Variants in PRKACB observed in about 807,000 individuals in gnomAD.
PRKACB encodes cAMP-dependent protein kinase catalytic subunit beta.
A neutral mutation model predicts 51.4 loss-of-function variants in PRKACB; 16 were observed. The ratio of observed to expected loss-of-function variants is 0.31; its 90% CI spans 0.21 to 0.47. The LOEUF (loss-of-function observed/expected upper bound fraction) is 0.47. Among genes scored for constraint, PRKACB ranks in the 20% least tolerant of loss-of-function variants. The pLI is 1.00. For synonymous variants in PRKACB, 147 were observed against 154.4 expected, an observed-to-expected ratio of 0.95 and a Z score of 0.35; for missense variants, 309 against 464.5, an observed-to-expected ratio of 0.67 and a Z score of 3.08.
chr1:84,090,728 A>G (rs1327356804), intron 1 of PRKACB, among the ~76,000 whole-genome samples: 3 of 152,168 alleles, frequency 2.0e-5, no homozygotes, highest in Non-Finnish European at 4.4e-5. Flanking sequence ...ATCACCTTTT[A>G]TGACCTAGCC....
At chr1:84,139,503 A>G (rs1214550141), upstream of PRKACB, among the ~76,000 whole-genome samples, 1 of 152,204 alleles carries the variant, frequency 6.6e-6, no homozygotes, top group Non-Finnish European at 1.5e-5. Context: ...ATACTTAGGT[A>G]TAAATCTAAC....
chr1:84,203,091 A>C (rs1670599094), intron 8 of PRKACB, among the ~76,000 whole-genome samples: 1 of 152,022 alleles, frequency 6.6e-6, no homozygotes, highest in African/African-American at 2.4e-5. Flanking sequence ...CCTTCAAATA[A>C]ATAAAAATAG....
At chr1:84,086,379 A>C (rs1261012125) in intron 1 of PRKACB, 2 of 602,498 alleles carry the variant, frequency 3.3e-6, no homozygotes, top group Non-Finnish European at 5.9e-6. Flanking sequence ...AGGGGCCATC[A>C]GAAGATGGTG....
chr1:84,193,006 C>G (rs911061221), intron 5 of PRKACB, among the ~76,000 whole-genome samples: 1 of 152,014 alleles, frequency 6.6e-6, no homozygotes, highest in Non-Finnish European at 1.5e-5. Context: ...GAACAATAAG[C>G]CTTCTCCAAA....
Position 84,184,144 on chromosome 1 carries a change from T to C in PRKACB, c.477+9T>C. The C allele has an allele frequency of 1.9e-6, 3 of 1,589,624 alleles. No homozygotes were observed. Among genetic ancestry groups the C allele is most frequent in the Non-Finnish European group, 2.6e-6 (3 of 1,169,612 alleles). On this transcript the variant is annotated intron_variant, in intron 4 of 9. Coordinates refer to ENST00000370685, the MANE Select transcript of PRKACB (RefSeq NM_182948.4). ...TGGAGTATGCTTTTAAGGTAAATTT[T>C]AGTAATATCTAAATAAGATATTTTC...
chr1:84,185,136 C>G lies in PRKACB; in HGVS notation c.514C>G (p.Pro172Ala), dbSNP rs1664709486. Residue 172 changes from proline to alanine, a missense_variant, in exon 5 of 10, where the codon CCT (proline) becomes GCT (alanine). Pro to Ala is a conservative substitution (Grantham distance 27). Transcript: ENST00000370685. The part of the protein sequence containing the change: ...SNLYMVMEYV[P>A]GGEMFSHLRR... ...TTTATACATGGTTATGGAATATGTC[C>G]CTGGGGGTGAAATGTTTTCACATCT... is the stretch of plus-strand genomic sequence containing the variant. 3 of 1,503,070 alleles carry G rather than the reference C, an allele frequency of 2.0e-6. No homozygotes were observed. In the South Asian group the frequency reaches 4.0e-5, roughly 20 times the overall value. 93.1% of individuals were successfully genotyped at this position (1,503,070 alleles called of 1,614,324 possible). A position where few individuals can be genotyped will look rare whatever the true frequency, so the allele number is the denominator to read the frequency against.
upstream of PRKACB, among the ~76,000 whole-genome samples, chr1:84,143,422 A>T (rs953401937): frequency 4.6e-5 from 7 of 152,132 alleles, no homozygotes; most frequent in African/African-American, 1.7e-4. Flanking sequence ...CTGCACTCCA[A>T]TCTGGGAGAC....
chr1:84,078,147 C>T (rs2100724637), exon 1 of PRKACB: 4 of 600,726 alleles, frequency 6.7e-6, no homozygotes, highest in Non-Finnish European at 1.1e-5. Flanking sequence ...CTAAGGAGTT[C>T]GCTGGAGCCC....
rs186098554 is a variant in PRKACB, at chr1:84,113,603, A to G, written c.46+35232A>G. ...GCATCATTATTCTTAGTTGCTATACAGTGGCAACAATTGGTGAGTAAAGAG... is the reference window on the plus strand; with the variant it reads ...GCATCATTATTCTTAGTTGCTATACGGTGGCAACAATTGGTGAGTAAAGAG... On this transcript the variant is annotated intron_variant, in intron 1 of 8. Transcript: ENST00000370688. 1.1e-4 allele frequency among the ~76,000 whole-genome samples: 16 copies of G among 152,338 alleles called. No individual in the cohort carries two copies. The East Asian group carries it at 2.9e-3, about 28-fold the overall frequency.
intron 1 of PRKACB, chr1:84,173,316 C>G: frequency 6.4e-7 from 1 of 1,563,664 alleles, no homozygotes. Context: ...TCTGTTTATT[C>G]TTTTTGATCA....
intron 9 of PRKACB, among the ~76,000 whole-genome samples, chr1:84,228,427 C>T (rs1675004087): frequency 6.6e-6 from 1 of 152,090 alleles, no homozygotes; most frequent in African/African-American, 2.4e-5. Flanking sequence ...GTAAGAACAC[C>T]AGTCCTTCCT....
rs199699646 is a variant in PRKACB at position 84,199,116 on chromosome 1, CATATATATATATATAT to C, written c.783+1294_783+1309del. On this transcript the variant is annotated intron_variant, in intron 7 of 9. Coordinates refer to ENST00000370685, the MANE Select transcript of PRKACB (RefSeq NM_182948.4). ...ATATATGCATATATGTATATATATG[CATATATATATATATAT>C]ACACACACATTTTAGCTTTATTTTA... Among the ~76,000 whole-genome samples the C allele has an allele frequency of 4.9e-5, 5 of 101,526 alleles. No individual in the cohort carries two copies. In the East Asian group the frequency reaches 1.4e-3, roughly 27 times the overall value. The allele number at this position is 101,526 out of a possible 152,430, so 66.6% of individuals were successfully genotyped here.
chr1:84,125,513 A>G (rs779669915), intron 1 of PRKACB, among the ~76,000 whole-genome samples: 6 of 152,176 alleles, frequency 3.9e-5, no homozygotes, highest in Non-Finnish European at 7.3e-5. Context: ...ACATATCCAC[A>G]GTTTCCAGGC....
intron 9 of PRKACB, among the ~76,000 whole-genome samples, chr1:84,234,448 C>G (rs1433682128): frequency 6.6e-6 from 1 of 152,190 alleles, no homozygotes; most frequent in Non-Finnish European, 1.5e-5. Context: ...CCACCCAGTT[C>G]GAGCTTCCCA....
upstream of PRKACB, among the ~76,000 whole-genome samples, chr1:84,141,443 A>T (rs987314930): frequency 6.6e-6 from 1 of 152,144 alleles, no homozygotes; most frequent in African/African-American, 2.4e-5. Flanking sequence ...CTTCTATAGC[A>T]ATAGCTTCCT....
intron 1 of PRKACB, among the ~76,000 whole-genome samples, chr1:84,121,946 A>G (rs1651116993): frequency 6.6e-6 from 1 of 152,134 alleles, no homozygotes; most frequent in East Asian, 1.9e-4. Flanking sequence ...GCCACTGAGC[A>G]GAGGTGGTTT....
Position 84,149,177 on chromosome 1 carries a change from A to G in PRKACB, c.187+4629A>G, listed in dbSNP as rs992549591. Among the ~76,000 whole-genome samples the G allele has an allele frequency of 7.2e-5, 11 of 152,342 alleles. No homozygotes were observed. In the East Asian group the frequency reaches 1.5e-3, roughly 21 times the overall value. On this transcript the variant is annotated intron_variant, in intron 1 of 9. Coordinates refer to ENST00000370685, the MANE Select transcript of PRKACB (RefSeq NM_182948.4). ...AAAAAACAAAAAGGTAAAAAAAAGTATACATAATTCTGCCAAAAGGTAATG... is the reference window on the plus strand; with the variant it reads ...AAAAAACAAAAAGGTAAAAAAAAGTGTACATAATTCTGCCAAAAGGTAATG...
At chr1:84,209,029 A>G (rs1347060141) in intron 8 of PRKACB, among the ~76,000 whole-genome samples, 1 of 152,210 alleles carries the variant, frequency 6.6e-6, no homozygotes, top group East Asian at 1.9e-4. Flanking sequence ...GAATTACCCA[A>G]AGACAAAAGG....
At chr1:84,184,405 G>A (rs1664489603) in intron 4 of PRKACB, among the ~76,000 whole-genome samples, 1 of 151,738 alleles carries the variant, frequency 6.6e-6, no homozygotes, top group African/African-American at 2.4e-5. Context: ...AAAACCATAG[G>A]GATATCTTAA....
Sources: allele counts gnomAD v4.1 joint callset (sites outside exome capture counted in the v4.1 genomes callset), GRCh38; gene constraint gnomAD v4.1.1; transcripts MANE v1.5; gene names NCBI Gene and HGNC (gene_info 2026-07-23, HGNC 2026-07-21).